DOCK3: variants seen among roughly 807,000 people sequenced by gnomAD.
The protein encoded by DOCK3 is dedicator of cytokinesis protein 3.
Under a neutral mutation model 265.6 loss-of-function variants are expected in DOCK3, and 60 were observed. That is an observed-to-expected ratio of 0.23 (90% CI 0.18 to 0.28). DOCK3 has a LOEUF of 0.28. Among genes scored for constraint, DOCK3 ranks in the 10% least tolerant of loss-of-function variants. The pLI, the probability that DOCK3 is intolerant of heterozygous loss-of-function variation, is 1.00. For synonymous variants in DOCK3, 881 were observed against 938.0 expected (o/e 0.94, Z 1.11); for missense variants, 1,981 against 2,594.3 (o/e 0.76, Z 5.14).
intron 1 of DOCK3, among the ~76,000 whole-genome samples, chr3:50,690,481 G>A (rs1042055375): frequency 2.6e-5 from 4 of 152,034 alleles, no homozygotes; most frequent in Non-Finnish European, 4.4e-5. Flanking sequence ...TCACATTGTT[G>A]TGTAACTGTC....
rs545775364 is a variant in DOCK3 at position 51,023,416 on chromosome 3, T to C, written c.316-41032T>C. On this transcript the variant is annotated intron_variant, in intron 5 of 52. Transcript: ENST00000266037. ...TGTTCTGATTGTTTTTTGTTGTCGT[T>C]GTTGTTCTTGTTGTTTTTTGAGACA... Among the ~76,000 whole-genome samples the C allele has an allele frequency of 4.6e-5, 7 of 152,260 alleles. No homozygotes were observed. In the South Asian group the frequency reaches 6.2e-4, roughly 14 times the overall value.
intron 4 of DOCK3, among the ~76,000 whole-genome samples, chr3:50,917,935 G>C (rs922400717): frequency 6.6e-6 from 1 of 151,962 alleles, no homozygotes; most frequent in African/African-American, 2.4e-5. Flanking sequence ...ACAGGCCCCG[G>C]TGTGTGATGT....
At chr3:51,218,496 A>T (rs1415116042) in intron 14 of DOCK3, among the ~76,000 whole-genome samples, 3 of 152,112 alleles carry the variant, frequency 2.0e-5, no homozygotes, top group Admixed American at 2.0e-4. Flanking sequence ...CCTTCTTCAG[A>T]CCATGTCTAA....
chr3:50,949,928 T>C (rs1433173291), intron 5 of DOCK3, among the ~76,000 whole-genome samples: 2 of 152,068 alleles, frequency 1.3e-5, no homozygotes, highest in Non-Finnish European at 2.9e-5. Context: ...TTCTGTTCTT[T>C]ATCTCTTTCT....
At chr3:51,043,604 A>G (rs551773206) in intron 5 of DOCK3, among the ~76,000 whole-genome samples, 2 of 152,182 alleles carry the variant, frequency 1.3e-5, no homozygotes, top group Non-Finnish European at 2.9e-5. Context: ...ATTAAACTAA[A>G]GAGCTACACA....
chr3:50,779,410 C>T (rs187480245), intron 2 of DOCK3, among the ~76,000 whole-genome samples: 1 of 151,796 alleles, frequency 6.6e-6, no homozygotes, highest in Non-Finnish European at 1.5e-5. Flanking sequence ...TGAGAGGGAG[C>T]CTTGCTCTTG....
In DOCK3 at chr3:50,831,034, A is replaced by T. The variant is rs142175103; in HGVS notation, c.122-10641A>T. ...CATAACTTCCTGACATTGCCATGAC[A>T]TTTGTACACTGTCATGGCACTGGTG... On this transcript the variant is annotated intron_variant, in intron 2 of 52. Coordinates refer to ENST00000266037, the MANE Select transcript of DOCK3 (RefSeq NM_004947.5). 7.3e-3 allele frequency among the ~76,000 whole-genome samples: 1,110 copies of T among 151,976 alleles called. 7 individuals are homozygous for T. Among genetic ancestry groups the T allele is most frequent in the African/African-American group, 0.01 (429 of 41,462 alleles).
At chr3:51,261,737 C>G (rs1030259566) in intron 23 of DOCK3, among the ~76,000 whole-genome samples, 2 of 152,120 alleles carry the variant, frequency 1.3e-5, no homozygotes, top group Admixed American at 6.5e-5. Context: ...GGAGGAGCAT[C>G]CACCATTACA....
intron 21 of DOCK3, among the ~76,000 whole-genome samples, chr3:51,243,390 T>G (rs2078696680): frequency 6.6e-6 from 1 of 151,878 alleles, no homozygotes; most frequent in African/African-American, 2.4e-5. Context: ...TTCACTCACC[T>G]TTCCTCCAGA....
chr3:50,909,281 G>A (rs1208080674), intron 4 of DOCK3, among the ~76,000 whole-genome samples: 2 of 151,968 alleles, frequency 1.3e-5, no homozygotes, highest in Non-Finnish European at 1.5e-5. Context: ...TATTTTGCAG[G>A]CTTGTTCATG....
intron 4 of DOCK3, among the ~76,000 whole-genome samples, chr3:50,916,377 C>T (rs773192229): frequency 1.1e-4 from 16 of 151,960 alleles, no homozygotes; most frequent in South Asian, 2.1e-4. Flanking sequence ...CTGCAAGCTC[C>T]GCCTCCTGGT....
intron 2 of DOCK3, among the ~76,000 whole-genome samples, chr3:50,798,474 A>G (rs1203232288): frequency 6.6e-6 from 1 of 152,236 alleles, no homozygotes; most frequent in Non-Finnish European, 1.5e-5. Context: ...TGGTCTTATT[A>G]GTGCCATCTC....
At chr3:50,852,601 G>A (rs527824276) in intron 3 of DOCK3, among the ~76,000 whole-genome samples, 3 of 152,152 alleles carry the variant, frequency 2.0e-5, no homozygotes, top group African/African-American at 7.2e-5. Context: ...TGCATGTGAG[G>A]TATTTAGTGA....
intron 2 of DOCK3, among the ~76,000 whole-genome samples, chr3:50,797,872 C>A (rs1364197628): frequency 1.3e-5 from 2 of 152,024 alleles, no homozygotes; most frequent in African/African-American, 2.4e-5. Flanking sequence ...ATTGTTTCAA[C>A]CTTTAATATG....
In DOCK3 at chr3:51,315,127, A is replaced by T. The variant is rs1388007616; in HGVS notation, c.3401A>T (p.Gln1134Leu). The T allele has an allele frequency of 1.2e-6, 2 of 1,606,822 alleles. No homozygotes were observed. The highest frequency in any genetic ancestry group is 3.4e-5 in the Admixed American group (2 of 59,566). Residue 1134 changes from glutamine to leucine, a missense_variant and splice_region_variant, in exon 32 of 53, where the codon CAG (glutamine) becomes CTG (leucine). Gln to Leu is a moderately radical substitution (Grantham distance 113, BLOSUM62 -2). Around this residue, in one of 4 missense-constraint regions of DOCK3, gnomAD observed 1,357 missense variants for 1,866.8 expected, o/e 0.73. Coordinates refer to ENST00000266037, the MANE Select transcript of DOCK3 (RefSeq NM_004947.5). ...WEQRKNGNFKQVEAELIDKLD... is the reference protein window; with the variant it reads ...WEQRKNGNFKLVEAELIDKLD... Reference sequence around the variant, plus strand: ...CAGAGAAAAAATGGCAACTTCAAACAGGTAAGACACCTGGCAGTGTTCGGG... The same window carrying T: ...CAGAGAAAAAATGGCAACTTCAAACTGGTAAGACACCTGGCAGTGTTCGGG...
chr3:51,044,571 T>C (rs889401999), intron 5 of DOCK3, among the ~76,000 whole-genome samples: 1 of 149,222 alleles, frequency 6.7e-6, no homozygotes, highest in African/African-American at 2.4e-5. Context: ...CTTGTATCAC[T>C]GAACTTAAAA....
In DOCK3 at chr3:51,350,368, C is replaced by A. The variant is rs760518687; in HGVS notation, c.4083C>A (p.Gly1361=). The A allele has an allele frequency of 1.2e-6, 2 of 1,612,442 alleles. No homozygotes were observed. Among genetic ancestry groups the A allele is most frequent in the Non-Finnish European group, 1.7e-6 (2 of 1,179,562 alleles). The change falls in exon 40 of 53, where the codon GGC becomes GGA. Residue 1361 remains glycine, a synonymous_variant. Transcript: ENST00000266037. ...EPEFFRVGFY[G]RKFPFFLRNK... is the part of the protein sequence containing the mutation. ...AGTTCTTTCGGGTCGGCTTCTATGG[C>A]AGGAAGTTTCCTTTCTTTCTTCGGG...
chr3:51,070,832 T>C (rs915985298), intron 6 of DOCK3, among the ~76,000 whole-genome samples: 6 of 152,236 alleles, frequency 3.9e-5, no homozygotes, highest in Middle Eastern at 3.4e-3. Context: ...TCCTCTCAAA[T>C]CAGTGTGAAC....
chr3:51,161,117 A>G (rs1258272717), intron 12 of DOCK3, among the ~76,000 whole-genome samples: 1 of 150,748 alleles, frequency 6.6e-6, no homozygotes, highest in Non-Finnish European at 1.5e-5. Context: ...TGGACACAGA[A>G]TCACCAGGAT....
Sources: allele counts gnomAD v4.1 joint callset (sites outside exome capture counted in the v4.1 genomes callset), GRCh38; gene constraint gnomAD v4.1.1; regional missense constraint gnomAD v4.1.1; transcripts MANE v1.5; gene names NCBI Gene and HGNC (gene_info 2026-07-23, HGNC 2026-07-21).